SCG3: variants seen among roughly 807,000 people sequenced by gnomAD.
SCG3 encodes secretogranin III.
SCG3 carries 38 observed loss-of-function variants against 56.2 expected under a neutral mutation model. The observed-to-expected ratio is 0.68, with a 90% CI of 0.52 to 0.89. The LOEUF (loss-of-function observed/expected upper bound fraction) is 0.89, where lower values mean the gene tolerates loss of function less well. Ranked by LOEUF, SCG3 falls within the 40% of genes least tolerant of loss-of-function variation. The probability of loss-of-function intolerance (pLI) is 0.00; values close to 1 mark genes in which losing one functional copy is unlikely to be tolerated. For missense variants in SCG3, 524 were observed against 540.7 expected, an observed-to-expected ratio of 0.97 and a Z score of 0.31; for synonymous variants, 176 against 184.2, an observed-to-expected ratio of 0.96 and a Z score of 0.36.
At chr15:51,695,800 G>A (rs2141566817) in intron 7 of SCG3, 75 bp from the exon 8 acceptor site, 11 of 804,046 alleles carry the variant, frequency 1.4e-5, no homozygotes, top group Middle Eastern at 3.6e-4. Context: ...ACAAAAAGAT[G>A]CTGTACTTTA....
intron 4 of SCG3, among the ~76,000 whole-genome samples, chr15:51,687,322 T>A (rs1212305939): frequency 6.6e-6 from 1 of 152,210 alleles, no homozygotes; most frequent in Non-Finnish European, 1.5e-5. Flanking sequence ...TTCTGATCTT[T>A]CCAATCTTTC....
intron 11 of SCG3, among the ~76,000 whole-genome samples, chr15:51,717,962 C>A (rs1435727846): frequency 6.6e-6 from 1 of 152,226 alleles, no homozygotes; most frequent in Non-Finnish European, 1.5e-5. Flanking sequence ...GGGTAGGACC[C>A]TCTATGGATC....
chr15:51,689,380 T>G lies in SCG3; in HGVS notation c.690+12T>G, dbSNP rs1475319693. ...TACCAGAGAAAGTGGTATGTATGTGTATATATGCATATGCATGGGGGTGTG... is the reference window on the plus strand; with the variant it reads ...TACCAGAGAAAGTGGTATGTATGTGGATATATGCATATGCATGGGGGTGTG... On this transcript the variant is annotated intron_variant, in intron 6 of 11. Transcript: ENST00000220478. 3 of 1,604,768 alleles carry G rather than the reference T, an allele frequency of 1.9e-6. No homozygotes were observed. Among genetic ancestry groups the G allele is most frequent in the South Asian group, 1.1e-5 (1 of 90,158 alleles).
chr15:51,701,352 G>T, intron 10 of SCG3, 108 bp downstream of exon 10: 1 of 1,143,604 alleles, frequency 8.7e-7, no homozygotes, highest in Non-Finnish European at 1.2e-6. Flanking sequence ...CTGAGAAATT[G>T]ACACAATCTG....
chr15:51,685,428 G>T (rs1234676746), intron 4 of SCG3, among the ~76,000 whole-genome samples: 1 of 152,140 alleles, frequency 6.6e-6, no homozygotes, highest in Non-Finnish European at 1.5e-5. Flanking sequence ...TTTTTTAACT[G>T]TTCAACATTT....
intron 4 of SCG3, among the ~76,000 whole-genome samples, chr15:51,686,569 G>A (rs1188014332): frequency 6.6e-6 from 1 of 152,164 alleles, no homozygotes; most frequent in Non-Finnish European, 1.5e-5. Context: ...ATTCCTGACA[G>A]CCTGACTTGC....
rs541037724 is a variant in SCG3, at chr15:51,692,449, A to G, written c.868+113A>G. 5 of 970,350 alleles carry G rather than the reference A, an allele frequency of 5.2e-6. No individual in the cohort carries two copies. In the South Asian group the frequency reaches 1.1e-4, roughly 21 times the overall value. 60.1% of individuals were successfully genotyped at this position (970,350 alleles called of 1,614,324 possible). ...TTCCAAATGTAATCTCCAATGACAT[A>G]CACTGTGGGCTTGGGGAAAAGGGTT... On this transcript the variant is annotated intron_variant, in intron 7 of 11. Transcript: ENST00000220478.
In SCG3 at chr15:51,681,747, C is replaced by G; in HGVS notation, c.-9C>G. The G allele has an allele frequency of 1.2e-6, 2 of 1,612,556 alleles. No homozygotes were observed. The highest frequency in any genetic ancestry group is 1.7e-6 in the Non-Finnish European group (2 of 1,178,798). ...GCGCCGGGCTGTGACCCAAGCCGAG[C>G]GTGGAAGAATGGGGTTCCTCGGGAC... On this transcript the variant is annotated 5_prime_UTR_variant, in exon 1 of 12. Transcript: ENST00000220478.
At chr15:51,701,326 G>C in intron 10 of SCG3, 82 bp downstream of exon 10, 1 of 1,383,562 alleles carries the variant, frequency 7.2e-7, no homozygotes, top group Non-Finnish European at 9.8e-7. Context: ...GATCCAAAGA[G>C]CAAGCTCCAT....
chr15:51,682,674 C>G, intron 2 of SCG3, 105 bp downstream of exon 2: 2 of 710,720 alleles, frequency 2.8e-6, no homozygotes, highest in Non-Finnish European at 4.6e-6. Flanking sequence ...TTACAAACAT[C>G]AGGAACTTAA....
At chr15:51,697,852 T>G (rs1201618130) in intron 8 of SCG3, among the ~76,000 whole-genome samples, 1 of 152,220 alleles carries the variant, frequency 6.6e-6, no homozygotes, top group Admixed American at 6.5e-5. Flanking sequence ...CTTTTACAAC[T>G]AGAGTTTGAG....
At position 51,688,314 on chromosome 15, in the gene SCG3, T is replaced by C. The variant is rs370447314; in HGVS notation, c.452T>C (p.Ile151Thr). 16 of 1,613,792 alleles carry C rather than the reference T, an allele frequency of 9.9e-6. No individual in the cohort carries two copies. Among genetic ancestry groups the C allele is most frequent in the Admixed American group, 1.7e-5 (1 of 59,978 alleles). ...LDGTPLTAED[I>T]VHKIAARIYE... ...GGGACTCCTTTAACCGCTGAAGACA[T>C]TGTCCATAAAATCGCTGCCAGGATT... is the stretch of plus-strand genomic sequence containing the variant. The change falls in exon 5 of 12, where the codon ATT (isoleucine) becomes ACT (threonine). Residue 151 changes from isoleucine to threonine, a missense_variant. Coordinates refer to ENST00000220478, the MANE Select transcript of SCG3 (RefSeq NM_013243.4).
chr15:51,707,136 C>A (rs192594827), intron 10 of SCG3, among the ~76,000 whole-genome samples: 1 of 151,998 alleles, frequency 6.6e-6, no homozygotes, highest in East Asian at 1.9e-4. Flanking sequence ...TTTAATCATC[C>A]AAGGGATGAA....
At chr15:51,698,641 A>T (rs997534132) in intron 8 of SCG3, among the ~76,000 whole-genome samples, 8 of 152,214 alleles carry the variant, frequency 5.3e-5, no homozygotes, top group African/African-American at 1.9e-4. Context: ...GGGTTTGCGA[A>T]TTCCACCAAC....
intron 7 of SCG3, among the ~76,000 whole-genome samples, chr15:51,695,471 A>G (rs2055296557): frequency 1.3e-5 from 2 of 152,220 alleles, no homozygotes; most frequent in Non-Finnish European, 2.9e-5. Context: ...AGAAGTTATC[A>G]TTGCCCATGT....
At chr15:51,701,777 A>G (rs1369493338) in intron 10 of SCG3, among the ~76,000 whole-genome samples, 1 of 152,150 alleles carries the variant, frequency 6.6e-6, no homozygotes, top group Non-Finnish European at 1.5e-5. Context: ...ATGGTGGCAC[A>G]TGCCTATAGT....
At chr15:51,688,494 TATA>T (rs893666928) in intron 5 of SCG3, 92 bp downstream of exon 5, 1 of 1,172,666 alleles carries the variant, frequency 8.5e-7, no homozygotes, top group Non-Finnish European at 1.2e-6. Context: ...GCCAAGTGTT[TATA>T]ATGTGTCTTC....
intron 4 of SCG3, among the ~76,000 whole-genome samples, chr15:51,684,742 A>G (rs957348027): frequency 1.3e-5 from 2 of 152,180 alleles, no homozygotes; most frequent in African/African-American, 2.4e-5. Context: ...TTTTACCTTC[A>G]TAAGTGTGAT....
chr15:51,692,063 C>A, intron 6 of SCG3, 96 bp from the exon 7 acceptor site: 1 of 1,195,354 alleles, frequency 8.4e-7, no homozygotes, highest in Non-Finnish European at 1.2e-6. Context: ...AATTCTTGCA[C>A]TTCACATTTA....
Sources: allele counts gnomAD v4.1 joint callset (sites outside exome capture counted in the v4.1 genomes callset), GRCh38; gene constraint gnomAD v4.1.1; transcripts MANE v1.5; gene names NCBI Gene and HGNC (gene_info 2026-07-23, HGNC 2026-07-21).